The following CYSLTR1 variants were observed in gnomAD, a reference collection of about 807,000 sequenced individuals.
The protein encoded by CYSLTR1 is G-protein coupled receptor HG55.
Under a neutral mutation model 2.1 loss-of-function variants are expected in CYSLTR1, and 1 was observed. That is an observed-to-expected ratio of 0.48 (90% CI 0.17 to 2.28). CYSLTR1 has a LOEUF of 2.28. Among genes scored for constraint, CYSLTR1 ranks in the 30% most tolerant of loss-of-function variants. The pLI is 0.26. For missense variants in CYSLTR1, 299 were observed against 250.1 expected (o/e 1.20, Z -1.32); for synonymous variants, 110 against 89.6 (o/e 1.23, Z -1.28).
chrX:78,327,123 A>T (rs1240435959), intron 1 of CYSLTR1, among the ~76,000 whole-genome samples, 182 bp downstream of exon 1: 1 of 111,542 alleles, frequency 9.0e-6, no homozygotes, highest in Non-Finnish European at 1.9e-5. Flanking sequence ...TGACAGACTG[A>T]TCATATTATC....
At chrX:78,290,253 T>C (rs890049951) in intron 1 of CYSLTR1, among the ~76,000 whole-genome samples, 12 of 111,911 alleles carry the variant, frequency 1.1e-4, no homozygotes, top group African/African-American at 3.9e-4. Context: ...GTCAGGTTTG[T>C]CAAAAATCAG....
At chrX:78,315,813 AC>A (rs1923394520) in intron 1 of CYSLTR1, among the ~76,000 whole-genome samples, 1 of 112,213 alleles carries the variant, frequency 8.9e-6, no homozygotes. Context: ...CACAGGACCC[AC>A]CCAAAGAATG....
intron 1 of CYSLTR1, among the ~76,000 whole-genome samples, chrX:78,317,715 A>T (rs190301496): frequency 8.3e-4 from 93 of 112,619 alleles, no homozygotes; most frequent in African/African-American, 2.7e-3. Context: ...TTCTAAGTGA[A>T]GTAGATCAGG....
At chrX:78,299,288 T>C (rs1922713073) in intron 1 of CYSLTR1, among the ~76,000 whole-genome samples, 1 of 111,913 alleles carries the variant, frequency 8.9e-6, no homozygotes, top group Non-Finnish European at 1.9e-5. Context: ...TGGTTCATTG[T>C]TTAATCTTTC....
intron 1 of CYSLTR1, among the ~76,000 whole-genome samples, chrX:78,324,181 C>A (rs768279585): frequency 9.0e-6 from 1 of 111,445 alleles, no homozygotes; most frequent in South Asian, 3.8e-4. Flanking sequence ...TAATTAAAGG[C>A]AAAAGTAATT....
chrX:78,275,080 C>T (rs1294071995), intron 2 of CYSLTR1, among the ~76,000 whole-genome samples: 1 of 111,479 alleles, frequency 9.0e-6, no homozygotes, highest in Non-Finnish European at 1.9e-5. Context: ...CAGGAAACAA[C>T]AGGTGCTGGA....
At chrX:78,300,026 G>T (rs1922750359) in intron 1 of CYSLTR1, among the ~76,000 whole-genome samples, 1 of 111,262 alleles carries the variant, frequency 9.0e-6, no homozygotes, top group Non-Finnish European at 1.9e-5. Context: ...TCTTCAAATG[G>T]CCTGTCTTGA....
intron 1 of CYSLTR1, among the ~76,000 whole-genome samples, chrX:78,291,833 G>A (rs1381849419): frequency 6.4e-5 from 7 of 108,972 alleles, no homozygotes; most frequent in African/African-American, 2.3e-4. Flanking sequence ...TTTTAATTGT[G>A]TCTATTTGAT....
At chrX:78,289,471 T>C (rs1922221392) in intron 1 of CYSLTR1, among the ~76,000 whole-genome samples, 1 of 112,254 alleles carries the variant, frequency 8.9e-6, no homozygotes. Context: ...TCTTTGGGTA[T>C]ATACCCAGTA....
intron 1 of CYSLTR1, among the ~76,000 whole-genome samples, chrX:78,284,445 G>C (rs1437714581): frequency 9.0e-6 from 1 of 111,112 alleles, no homozygotes; most frequent in Non-Finnish European, 1.9e-5. Context: ...AGGCTGGAGT[G>C]GCTGGAGTGC....
At chrX:78,293,850 C>G (rs1218757062) in intron 1 of CYSLTR1, among the ~76,000 whole-genome samples, 1 of 111,573 alleles carries the variant, frequency 9.0e-6, no homozygotes, top group Non-Finnish European at 1.9e-5. Flanking sequence ...AAGGTCTTCT[C>G]TATGCTCTTT....
At position 78,271,561 on chromosome X, in the gene CYSLTR1, AC is replaced by A. The variant is rs1445878287; in HGVS notation, c.*1171del. Reference sequence around the variant, plus strand: ...ACTACACTTCAGCAAAAGCTTGTCCACGCATATTATATTTCAGCCGTAGATG... The same window carrying A: ...ACTACACTTCAGCAAAAGCTTGTCCAGCATATTATATTTCAGCCGTAGATG... On this transcript the variant is annotated 3_prime_UTR_variant, in exon 3 of 3. Transcript: ENST00000373304. The A allele has an allele frequency of 2.7e-5, 3 of 111,988 alleles. No homozygotes were observed. Among genetic ancestry groups the A allele is most frequent in the Admixed American group, 9.6e-5 (1 of 10,461 alleles). 9.2% of individuals were successfully genotyped at this position (111,988 alleles called of 1,213,427 possible).
chrX:78,281,086 T>C (rs933157085), intron 2 of CYSLTR1, among the ~76,000 whole-genome samples: 1 of 111,520 alleles, frequency 9.0e-6, no homozygotes, highest in Non-Finnish European at 1.9e-5. Context: ...TTTATATTCC[T>C]TTGGGTATAT....
At chrX:78,290,387 A>G (rs1922270162) in intron 1 of CYSLTR1, among the ~76,000 whole-genome samples, 1 of 111,730 alleles carries the variant, frequency 9.0e-6, no homozygotes, top group Non-Finnish European at 1.9e-5. Flanking sequence ...GCTTGAAGTC[A>G]GGTAGTGTGA....
chrX:78,292,059 T>G (rs1273175130), intron 1 of CYSLTR1, among the ~76,000 whole-genome samples: 2 of 111,806 alleles, frequency 1.8e-5, no homozygotes, highest in Non-Finnish European at 3.8e-5. Context: ...AATTGTGATG[T>G]TAGGGTGCCA....
chrX:78,322,907 A>C (rs1352900345), intron 1 of CYSLTR1, among the ~76,000 whole-genome samples: 3 of 111,683 alleles, frequency 2.7e-5, no homozygotes, highest in Non-Finnish European at 5.6e-5. Flanking sequence ...TAAGCACATG[A>C]CACTGTCAAA....
chrX:78,274,880 A>T (rs1412232236), intron 2 of CYSLTR1, among the ~76,000 whole-genome samples: 2 of 111,991 alleles, frequency 1.8e-5, no homozygotes, highest in East Asian at 5.6e-4. Flanking sequence ...ACAAATGTAC[A>T]AGAAAAAAAC....
chrX:78,283,935 T>C (rs1188802603), intron 1 of CYSLTR1, among the ~76,000 whole-genome samples: 1 of 112,175 alleles, frequency 8.9e-6, no homozygotes, highest in Non-Finnish European at 1.9e-5. Flanking sequence ...GGATCTGGAT[T>C]GCTGGGAATA....
intron 1 of CYSLTR1, among the ~76,000 whole-genome samples, chrX:78,315,917 C>G (rs916703869): frequency 8.9e-6 from 1 of 112,038 alleles, no homozygotes; most frequent in Non-Finnish European, 1.9e-5. Flanking sequence ...TAAACATAGA[C>G]AGTAGCCAGG....
Sources: gnomAD v4.1 joint callset for allele counts (sites outside exome capture counted in the v4.1 genomes callset) on GRCh38, gnomAD v4.1.1 for gene constraint, MANE v1.5 for transcripts, NCBI Gene and HGNC (gene_info 2026-07-23, HGNC 2026-07-21) for gene names.